Variants in TTLL11 observed in about 807,000 individuals in gnomAD.
TTLL11 encodes the protein tubulin polyglutamylase TTLL11.
A neutral mutation model predicts 51.7 loss-of-function variants in TTLL11; 42 were observed. The ratio of observed to expected loss-of-function variants is 0.81; its 90% CI spans 0.64 to 1.05. TTLL11 has a LOEUF of 1.05. Ranked by LOEUF, TTLL11 falls within the 50% of genes least tolerant of loss-of-function variation. The pLI, the probability that TTLL11 is intolerant of heterozygous loss-of-function variation, is 0.00. For synonymous variants in TTLL11, 381 were observed against 383.5 expected (o/e 0.99, Z 0.08); for missense variants, 799 against 940.4 (o/e 0.85, Z 1.97).
chr9:121,875,609 A>C (rs1323325116), intron 6 of TTLL11, among the ~76,000 whole-genome samples: 2 of 152,218 alleles, frequency 1.3e-5, no homozygotes, highest in African/African-American at 4.8e-5. Flanking sequence ...CTGATATGTA[A>C]GAGGAAATGA....
intron 4 of TTLL11, among the ~76,000 whole-genome samples, chr9:121,986,820 G>A (rs990537329): frequency 2.0e-5 from 3 of 151,892 alleles, no homozygotes; most frequent in South Asian, 2.1e-4. Flanking sequence ...CACTCCCTCC[G>A]TTCTCACTTC....
intron 6 of TTLL11, among the ~76,000 whole-genome samples, chr9:121,928,441 A>AT (rs35562644): frequency 0.026 from 3,389 of 131,812 alleles, 77 homozygotes; most frequent in Middle Eastern, 0.052. Context: ...TTTGTTTTGG[A>AT]TTTTTTTTTT....
intron 6 of TTLL11, among the ~76,000 whole-genome samples, chr9:121,942,333 C>T (rs1841507734): frequency 6.6e-6 from 1 of 152,236 alleles, no homozygotes; most frequent in African/African-American, 2.4e-5. Flanking sequence ...AGTCAGGCCG[C>T]TTCTCTGATC....
chr9:121,996,942 G>A lies in TTLL11; in HGVS notation c.694-7172C>T, dbSNP rs552506683. On this transcript the variant is annotated intron_variant, in intron 3 of 8. Coordinates refer to ENST00000321582, the MANE Select transcript of TTLL11 (RefSeq NM_001139442.2). ...TCTAGCTAGAAGGCGGAAGTAAAGC[G>A]TCAGTTCTGGGCCACGCTGCCCTTT... Among the ~76,000 whole-genome samples the A allele has an allele frequency of 1.9e-3, 286 of 152,348 alleles. 2 individuals are homozygous for A. Among genetic ancestry groups the A allele is most frequent in the Middle Eastern group, 6.8e-3 (2 of 294 alleles).
At chr9:121,942,735 CTTA>C (rs770648913) in intron 6 of TTLL11, among the ~76,000 whole-genome samples, 3 of 127,354 alleles carry the variant, frequency 2.4e-5, no homozygotes, top group South Asian at 2.5e-4. Flanking sequence ...TCTAATCTGT[CTTA>C]TTTTTTTTTT....
At chr9:122,010,594 A>G (rs1168680097) in intron 3 of TTLL11, among the ~76,000 whole-genome samples, 3 of 152,212 alleles carry the variant, frequency 2.0e-5, no homozygotes, top group Admixed American at 6.5e-5. Flanking sequence ...CATCCTCTGC[A>G]ATGGAGGGAC....
intron 6 of TTLL11, among the ~76,000 whole-genome samples, chr9:121,947,150 G>C (rs999938559): frequency 1.3e-5 from 2 of 152,136 alleles, no homozygotes; most frequent in Non-Finnish European, 2.9e-5. Flanking sequence ...TTGCAGAGCT[G>C]AGCTCAAGCT....
chr9:121,974,937 T>C lies in TTLL11; in HGVS notation c.1312A>G (p.Ile438Val), dbSNP rs1180246949. The C allele has an allele frequency of 5.8e-6, 9 of 1,539,372 alleles. No individual in the cohort carries two copies. Among genetic ancestry groups the C allele is most frequent in the Non-Finnish European group, 7.9e-6 (9 of 1,144,530 alleles). The change falls in exon 5 of 9, where the codon ATA becomes GTA. Residue 438 changes from isoleucine (I) to valine (V), a missense_variant. By Grantham distance (29) the Ile-to-Val change is conservative. Around this residue, in one of 3 missense-constraint regions of TTLL11, gnomAD observed 468 missense variants for 612.8 expected, o/e 0.76. Coordinates refer to ENST00000321582, the MANE Select transcript of TTLL11 (RefSeq NM_001139442.2). ...DILLMKNLKP[I>V]LLEVNANPSM... ...GGATTTGCATTTACTTCAAGTAGTA[T>C]AGGCTTCAGATTTTTCATTAGAAGA...
At chr9:122,016,940 G>A (rs1475277875) in intron 3 of TTLL11, among the ~76,000 whole-genome samples, 1 of 152,038 alleles carries the variant, frequency 6.6e-6, no homozygotes, top group Non-Finnish European at 1.5e-5. Context: ...CATCCGCCTC[G>A]ACTCTTCACA....
chr9:122,077,348 T>C (rs1287582473), intron 1 of TTLL11, among the ~76,000 whole-genome samples: 1 of 152,188 alleles, frequency 6.6e-6, no homozygotes, highest in Non-Finnish European at 1.5e-5. Flanking sequence ...GGAAGTGATG[T>C]GGCCAAAATG....
intron 6 of TTLL11, among the ~76,000 whole-genome samples, chr9:121,967,566 G>T (rs1181080937): frequency 6.6e-6 from 1 of 152,176 alleles, no homozygotes; most frequent in Non-Finnish European, 1.5e-5. Flanking sequence ...AGCATGATGA[G>T]TTCTAAGGTC....
Position 122,092,708 on chromosome 9 carries a change from G to A in TTLL11, c.441C>T (p.Ile147=). ...TCACCTCCTTCCACTTGAGCTGGCG[G>A]ATGCTGATCTTCAGGGCATCCAGGG... is the stretch of plus-strand genomic sequence containing the variant. The part of the protein sequence containing the change: ...RTSLDALKIS[I]RQLKWKEFPF... Residue 147 remains isoleucine (I), a synonymous_variant, in exon 1 of 9, where the codon ATC becomes ATT. Transcript: ENST00000321582. 1 of 1,537,652 alleles carries A rather than the reference G, an allele frequency of 6.5e-7. No individual in the cohort carries two copies. The highest frequency in any genetic ancestry group is 8.7e-7 in the Non-Finnish European group (1 of 1,147,054).
intron 6 of TTLL11, among the ~76,000 whole-genome samples, chr9:121,882,820 C>G (rs901542366): frequency 6.6e-6 from 1 of 152,224 alleles, no homozygotes; most frequent in African/African-American, 2.4e-5. Flanking sequence ...GAAATACTCT[C>G]TTCCTGATTC....
At chr9:121,916,036 G>A (rs1175790362) in intron 6 of TTLL11, among the ~76,000 whole-genome samples, 1 of 137,592 alleles carries the variant, frequency 7.3e-6, no homozygotes, top group East Asian at 2.4e-4. Context: ...CACACACACT[G>A]AGGGGGTTCC....
intron 1 of TTLL11, among the ~76,000 whole-genome samples, chr9:122,063,861 T>C (rs916338693): frequency 6.6e-6 from 1 of 152,182 alleles, no homozygotes; most frequent in Non-Finnish European, 1.5e-5. Flanking sequence ...GCGGCCTCCT[T>C]TTGCCAATGT....
intron 3 of TTLL11, among the ~76,000 whole-genome samples, chr9:121,999,845 T>C (rs922440379): frequency 3.9e-5 from 6 of 152,236 alleles, no homozygotes; most frequent in African/African-American, 1.4e-4. Context: ...GGGTAATTTA[T>C]TTCCCCAATC....
intron 3 of TTLL11, among the ~76,000 whole-genome samples, chr9:122,016,109 G>T (rs1265783437): frequency 2.0e-5 from 3 of 152,158 alleles, no homozygotes; most frequent in Non-Finnish European, 4.4e-5. Context: ...TATAGAGAAA[G>T]TTAAAGCTAA....
At chr9:122,029,342 C>G (rs1844453669) in intron 3 of TTLL11, among the ~76,000 whole-genome samples, 1 of 152,080 alleles carries the variant, frequency 6.6e-6, no homozygotes, top group African/African-American at 2.4e-5. Flanking sequence ...GAAGAAAGCA[C>G]TGTTATCATA....
At chr9:122,088,959 G>T (rs983723917) in intron 1 of TTLL11, among the ~76,000 whole-genome samples, 1 of 149,298 alleles carries the variant, frequency 6.7e-6, no homozygotes, top group African/African-American at 2.5e-5. Context: ...TGAGAGTGCA[G>T]TGAGCCAAGA....
Sources: allele counts gnomAD v4.1 joint callset (sites outside exome capture counted in the v4.1 genomes callset), GRCh38; gene constraint gnomAD v4.1.1; regional missense constraint gnomAD v4.1.1; transcripts MANE v1.5; gene names NCBI Gene and HGNC (gene_info 2026-07-23, HGNC 2026-07-21).